Variants in PGM5 observed in about 807,000 individuals in gnomAD.
PGM5 encodes the protein phosphoglucomutase-like protein 5.
PGM5 carries 23 observed loss-of-function variants against 59.2 expected under a neutral mutation model. The observed-to-expected ratio is 0.39, with a 90% CI of 0.28 to 0.55. The LOEUF is 0.55. PGM5 is among the 20% of genes least tolerant of loss of function. The pLI, the probability that PGM5 is intolerant of heterozygous loss-of-function variation, is 0.66. For synonymous variants in PGM5, 214 were observed against 286.0 expected, an observed-to-expected ratio of 0.75 and a Z score of 2.54; for missense variants, 574 against 748.3, an observed-to-expected ratio of 0.77 and a Z score of 2.72.
At chr9:68,404,335 G>A (rs1456027582) in intron 6 of PGM5, among the ~76,000 whole-genome samples, 1 of 152,108 alleles carries the variant, frequency 6.6e-6, no homozygotes, top group Non-Finnish European at 1.5e-5. Flanking sequence ...TGCCATGTTG[G>A]CCAGGCTGGT....
At position 68,483,852 on chromosome 9, in the gene PGM5, G is replaced by T. The variant is rs565179747; in HGVS notation, c.1296-13G>T. Reference sequence around the variant, plus strand: ...CTCTGATTAGGTTTCTGTTCCTCCTGTGTCCTCACCAGGTTTGACTATGAG... The same window carrying T: ...CTCTGATTAGGTTTCTGTTCCTCCTTTGTCCTCACCAGGTTTGACTATGAG... On this transcript the variant is annotated splice_polypyrimidine_tract_variant and intron_variant, in intron 8 of 10. Transcript: ENST00000396396. 6 of 1,613,150 alleles carry T rather than the reference G, an allele frequency of 3.7e-6. No individual in the cohort carries two copies. The Admixed American group carries it at 5.0e-5, about 13-fold the overall frequency.
At chr9:68,362,281 A>G (rs1834591812) in intron 1 of PGM5, among the ~76,000 whole-genome samples, 2 of 151,996 alleles carry the variant, frequency 1.3e-5, no homozygotes, top group African/African-American at 4.8e-5. Flanking sequence ...TGAGTTAACT[A>G]CCTCCACAGG....
intron 6 of PGM5, among the ~76,000 whole-genome samples, chr9:68,439,716 C>T (rs114863036): frequency 0.018 from 2,634 of 148,820 alleles, 26 homozygotes; most frequent in African/African-American, 0.036. Flanking sequence ...TACACACACA[C>T]ATATATATAT....
intron 6 of PGM5, among the ~76,000 whole-genome samples, chr9:68,438,286 C>CAAAAAAAAAAAAAAA (rs34047393): frequency 2.9e-5 from 1 of 34,814 alleles, no homozygotes; most frequent in African/African-American, 8.9e-5. Context: ...GAGACTCTGT[C>CAAAAAAAAAAAAAAA]AAAAAAAAAA....
chr9:68,466,487 GT>G (rs782275959), intron 7 of PGM5: 4 of 168,714 alleles, frequency 2.4e-5, no homozygotes, highest in Non-Finnish European at 5.1e-5. Context: ...AATGGTTTGG[GT>G]TTTCCTGTTT....
intron 7 of PGM5, among the ~76,000 whole-genome samples, chr9:68,468,661 C>T (rs181643700): frequency 6.6e-6 from 1 of 152,278 alleles, no homozygotes; most frequent in East Asian, 1.9e-4. Flanking sequence ...TCCTCATTTT[C>T]CCCCTCCCCG....
intron 1 of PGM5, among the ~76,000 whole-genome samples, chr9:68,365,909 G>T (rs553976737): frequency 6.6e-6 from 1 of 152,132 alleles, no homozygotes; most frequent in Non-Finnish European, 1.5e-5. Flanking sequence ...ATGTAAAAAG[G>T]TTTTCCAAAT....
chr9:68,422,447 T>TTTTTG (rs1186806864), intron 6 of PGM5, among the ~76,000 whole-genome samples: 19 of 150,914 alleles, frequency 1.3e-4, no homozygotes, highest in East Asian at 7.7e-4. Context: ...TTTGTTTTGT[T>TTTTTG]TTTTGTTTTG....
At chr9:68,491,523 T>C (rs1342951446) in intron 9 of PGM5, among the ~76,000 whole-genome samples, 5 of 152,194 alleles carry the variant, frequency 3.3e-5, no homozygotes, top group Admixed American at 2.0e-4. Flanking sequence ...TCTACAACAC[T>C]GTAGTTGGGG....
chr9:68,509,417 G>A (rs1226586293), intron 10 of PGM5, among the ~76,000 whole-genome samples: 1 of 152,174 alleles, frequency 6.6e-6, no homozygotes, highest in Non-Finnish European at 1.5e-5. Flanking sequence ...TTGGCAGGTT[G>A]GGCCTGTGTA....
intron 6 of PGM5, among the ~76,000 whole-genome samples, chr9:68,452,114 G>A (rs1203600477): frequency 1.3e-5 from 2 of 152,180 alleles, no homozygotes; most frequent in Non-Finnish European, 2.9e-5. Context: ...CTCCACTGTA[G>A]GCTGTGGGAT....
At chr9:68,405,216 T>C (rs1822773587) in intron 6 of PGM5, 1 of 152,242 alleles carries the variant, frequency 6.6e-6, no homozygotes, top group Non-Finnish European at 1.5e-5. Flanking sequence ...GAAGATGGGA[T>C]AGACTGACAG....
intron 10 of PGM5, among the ~76,000 whole-genome samples, chr9:68,508,807 G>A (rs985196764): frequency 2.6e-5 from 4 of 152,202 alleles, no homozygotes; most frequent in South Asian, 2.1e-4. Flanking sequence ...CCACATTTCC[G>A]TGCCTTTCAG....
rs115077949 is a variant in PGM5 at position 68,449,426 on chromosome 9, A to T, written c.1044-15667A>T. 7.8e-3 allele frequency among the ~76,000 whole-genome samples: 1,181 copies of T among 152,298 alleles called. 15 individuals are homozygous for T. Among genetic ancestry groups the T allele is most frequent in the African/African-American group, 0.027 (1,130 of 41,580 alleles). On this transcript the variant is annotated intron_variant, in intron 6 of 10. Transcript: ENST00000396396. ...TTGCAAGCCTTTGGAGTCCCTGGAA[A>T]GTAAAATTGAGGAGTATTTCCTCAA...
Position 68,438,286 on chromosome 9 carries a change from C to CAAAA in PGM5, c.1044-26783_1044-26780dup, listed in dbSNP as rs34047393. 7.3e-3 allele frequency among the ~76,000 whole-genome samples: 255 copies of CAAAA among 34,816 alleles called. 9 individuals are homozygous for CAAAA. The highest frequency in any genetic ancestry group is 9.3e-3 in the African/African-American group (104 of 11,232). 22.8% of individuals were successfully genotyped at this position (34,816 alleles called of 152,430 possible). Reference sequence around the variant, plus strand: ...CCTGGGCGACAGAGGGAGACTCTGTCAAAAAAAAAAAAAAAAAAAAAAAAA... The same window carrying CAAAA: ...CCTGGGCGACAGAGGGAGACTCTGTCAAAAAAAAAAAAAAAAAAAAAAAAAAAAA... On this transcript the variant is annotated intron_variant, in intron 6 of 10. Transcript: ENST00000396396.
intron 7 of PGM5, among the ~76,000 whole-genome samples, chr9:68,476,516 G>A (rs1824108139): frequency 6.6e-6 from 1 of 152,148 alleles, no homozygotes; most frequent in Admixed American, 6.6e-5. Context: ...GCCTGTCACT[G>A]ATACAGCATA....
intron 6 of PGM5, chr9:68,399,206 C>T (rs1554680330): frequency 6.6e-6 from 1 of 151,984 alleles, no homozygotes; most frequent in African/African-American, 2.4e-5. Flanking sequence ...CCCTTGATTC[C>T]CTCAGCAATG....
At position 68,437,734 on chromosome 9, in the gene PGM5, A is replaced by T. The variant is rs375317379; in HGVS notation, c.1044-27359A>T. ...AGTTTTATTTTTGAATTATGTTGCT[A>T]ACCTTTAAAAATGGGGATATTTCAT... On this transcript the variant is annotated intron_variant, in intron 6 of 10. Coordinates refer to ENST00000396396, the MANE Select transcript of PGM5 (RefSeq NM_021965.4). The surrounding 1 kb of genome is among the most constrained non-coding windows in gnomAD (Gnocchi z 4.1). Among the ~76,000 whole-genome samples, 4 of 152,158 alleles carry T rather than the reference A, an allele frequency of 2.6e-5. No homozygotes were observed. Among genetic ancestry groups the T allele is most frequent in the African/African-American group, 9.7e-5 (4 of 41,436 alleles).
At position 68,479,419 on chromosome 9, in the gene PGM5, C is replaced by T. The variant is rs1485813263; in HGVS notation, c.1161C>T (p.Gly387=). Residue 387 remains glycine (G), a splice_region_variant and synonymous_variant, in exon 8 of 11, where the codon GGC becomes GGT. Coordinates refer to ENST00000396396, the MANE Select transcript of PGM5 (RefSeq NM_021965.4). ...GCAGAATTTTTCTTTCACCTTTAGG[C>T]TCTGACCACCTCCGAGAGAAGGATG... The part of the protein sequence containing the change: ...NLCGEESFGT[G]SDHLREKDGL... 3.7e-6 allele frequency: 6 copies of T among 1,609,542 alleles called. No individual in the cohort carries two copies. Among genetic ancestry groups the T allele is most frequent in the African/African-American group, 2.7e-5 (2 of 74,442 alleles).
Sources: allele counts gnomAD v4.1 joint callset (sites outside exome capture counted in the v4.1 genomes callset), GRCh38; gene constraint gnomAD v4.1.1; non-coding constraint Gnocchi (gnomAD v3.1); transcripts MANE v1.5; gene names NCBI Gene and HGNC (gene_info 2026-07-23, HGNC 2026-07-21).